RPS6KC1: variants seen among roughly 807,000 people sequenced by gnomAD.
RPS6KC1 encodes the protein inactive ribosomal protein S6 kinase delta-1.
Under a neutral mutation model 103.8 loss-of-function variants are expected in RPS6KC1, and 54 were observed. The observed-to-expected ratio is 0.52, with a 90% CI of 0.42 to 0.65. RPS6KC1 has a LOEUF of 0.65. Among genes scored for constraint, RPS6KC1 ranks in the 30% least tolerant of loss-of-function variants. The pLI is 0.00. For missense variants in RPS6KC1, 1,151 were observed against 1,253.8 expected (o/e 0.92, Z 1.24); for synonymous variants, 439 against 438.7 (o/e 1.00, Z -0.01).
the RPS6KC1 span, among the ~76,000 whole-genome samples, chr1:213,440,350 G>A: frequency 6.6e-6 from 1 of 152,150 alleles, no homozygotes; most frequent in African/African-American, 2.4e-5. Flanking sequence ...AAGAAAGCAA[G>A]AAAATGAGGA....
chr1:213,373,101 T>C, the RPS6KC1 span, among the ~76,000 whole-genome samples: 2 of 152,184 alleles, frequency 1.3e-5, no homozygotes, highest in Non-Finnish European at 2.9e-5. Context: ...TATCTAATCC[T>C]CTAACGAAAA....
chr1:213,706,244 T>C, the RPS6KC1 span, among the ~76,000 whole-genome samples: 1 of 152,194 alleles, frequency 6.6e-6, no homozygotes, highest in Non-Finnish European at 1.5e-5. Context: ...TGGTGAAGCT[T>C]GCAGAACTTA....
At chr1:213,141,795 A>G (rs1418007739) in intron 6 of RPS6KC1, among the ~76,000 whole-genome samples, 1 of 150,398 alleles carries the variant, frequency 6.6e-6, no homozygotes, top group Non-Finnish European at 1.5e-5. Flanking sequence ...TGCTTTAGCT[A>G]TGTCCCAGAA....
the RPS6KC1 span, among the ~76,000 whole-genome samples, chr1:213,480,159 A>G: frequency 1.3e-5 from 2 of 152,036 alleles, no homozygotes; most frequent in South Asian, 2.1e-4. Flanking sequence ...TGGCATTTTG[A>G]TTGGAATTAC....
rs140447631 is a variant in RPS6KC1, at chr1:213,272,886, G to C, written c.*252G>C. 3 of 268,876 alleles carry C rather than the reference G, an allele frequency of 1.1e-5. No homozygotes were observed. In the Admixed American group the frequency reaches 1.4e-4, roughly 12 times the overall value. The allele number at this position is 268,876 out of a possible 1,614,324, so 16.7% of individuals were successfully genotyped here. On this transcript the variant is annotated 3_prime_UTR_variant, in exon 15 of 15. Transcript: ENST00000366960. ...TGTGATCTGAATTTAATCCACATTTGGTGTTGCAGATGAGTTGTAAAGCCA... is the reference window on the plus strand; with the variant it reads ...TGTGATCTGAATTTAATCCACATTTCGTGTTGCAGATGAGTTGTAAAGCCA...
chr1:213,569,735 C>G, the RPS6KC1 span, among the ~76,000 whole-genome samples: 4 of 152,236 alleles, frequency 2.6e-5, no homozygotes, highest in Admixed American at 1.3e-4. Context: ...CATTTGTGGT[C>G]AGGGCAGAAG....
At chr1:213,473,991 C>T in the RPS6KC1 span, among the ~76,000 whole-genome samples, 3 of 152,222 alleles carry the variant, frequency 2.0e-5, no homozygotes, top group Non-Finnish European at 2.9e-5. Context: ...CCCTCCAGCC[C>T]GAATCTAAGA....
chr1:213,181,855 GA>G (rs774919954), intron 8 of RPS6KC1, among the ~76,000 whole-genome samples: 2 of 152,182 alleles, frequency 1.3e-5, no homozygotes, highest in African/African-American at 2.4e-5. Flanking sequence ...AAACAAAGTG[GA>G]AACAATACAT....
chr1:213,518,811 T>C, the RPS6KC1 span, among the ~76,000 whole-genome samples: 132,039 of 152,148 alleles, frequency 0.87, 57,409 homozygotes, highest in East Asian at 0.99. Flanking sequence ...ATGGTAGATA[T>C]TGATAAAGGA....
chr1:213,533,686 C>T, the RPS6KC1 span, among the ~76,000 whole-genome samples: 4 of 152,232 alleles, frequency 2.6e-5, no homozygotes, highest in South Asian at 2.1e-4. Flanking sequence ...TTCCCTGAAA[C>T]GTTCTCTCCA....
the RPS6KC1 span, among the ~76,000 whole-genome samples, chr1:213,504,441 G>T: frequency 2.0e-5 from 3 of 151,886 alleles, no homozygotes; most frequent in African/African-American, 7.3e-5. Flanking sequence ...CAGATGTATT[G>T]TTCTCTATGT....
chr1:213,545,300 G>A, the RPS6KC1 span, among the ~76,000 whole-genome samples: 1 of 151,796 alleles, frequency 6.6e-6, no homozygotes, highest in Non-Finnish European at 1.5e-5. Context: ...GAACCCAGGA[G>A]GCGGAGGTTG....
At chr1:213,742,892 G>T in the RPS6KC1 span, among the ~76,000 whole-genome samples, 2 of 152,254 alleles carry the variant, frequency 1.3e-5, no homozygotes, top group Admixed American at 1.3e-4. Context: ...ACAGATGCTG[G>T]GGAGGCTGCA....
At position 213,235,180 on chromosome 1, in the gene RPS6KC1, C is replaced by T. The variant is rs1052528015; in HGVS notation, c.1225+2925C>T. Among the ~76,000 whole-genome samples the T allele has an allele frequency of 3.3e-5, 5 of 152,176 alleles. No homozygotes were observed. The East Asian group carries it at 7.7e-4, about 23-fold the overall frequency. ...CTTACGATTTGTGGCTTTAGCTTTC[C>T]ACTGCTTACAGAACTACTCATGATT... On this transcript the variant is annotated intron_variant, in intron 10 of 14. Transcript: ENST00000366960.
At chr1:213,770,663 G>T in the RPS6KC1 span, among the ~76,000 whole-genome samples, 1 of 152,166 alleles carries the variant, frequency 6.6e-6, no homozygotes, top group East Asian at 1.9e-4. Context: ...TTAATGAACT[G>T]CAGTTGCCAG....
chr1:213,657,684 GA>G, the RPS6KC1 span, among the ~76,000 whole-genome samples: 1 of 152,152 alleles, frequency 6.6e-6, no homozygotes, highest in East Asian at 1.9e-4. Flanking sequence ...AGGAACTTAA[GA>G]AATAAGAATT....
chr1:213,070,511 C>T (rs1480346535), intron 1 of RPS6KC1, among the ~76,000 whole-genome samples: 3 of 152,146 alleles, frequency 2.0e-5, no homozygotes, highest in Non-Finnish European at 4.4e-5. Flanking sequence ...GGTCAGCCTC[C>T]TCAGCCAGTG....
the RPS6KC1 span, among the ~76,000 whole-genome samples, chr1:213,430,439 A>G: frequency 6.6e-6 from 1 of 152,374 alleles, no homozygotes; most frequent in South Asian, 2.1e-4. Context: ...AAAAGCAAGC[A>G]GAACCAGAGA....
chr1:213,805,239 A>G, the RPS6KC1 span, among the ~76,000 whole-genome samples: 1 of 152,220 alleles, frequency 6.6e-6, no homozygotes, highest in Admixed American at 6.5e-5. Context: ...AAATAAGACA[A>G]CAATGAAGTT....
Sources: allele counts gnomAD v4.1 joint callset (sites outside exome capture counted in the v4.1 genomes callset), GRCh38; gene constraint gnomAD v4.1.1; transcripts MANE v1.5; gene names NCBI Gene and HGNC (gene_info 2026-07-23, HGNC 2026-07-21).